ANXA7: variants seen among roughly 807,000 people sequenced by gnomAD.
ANXA7 encodes annexin A7.
A neutral mutation model predicts 64.9 loss-of-function variants in ANXA7; 55 were observed. The observed-to-expected ratio is 0.85, with a 90% CI of 0.68 to 1.06. The LOEUF (loss-of-function observed/expected upper bound fraction) is 1.06, where lower values mean the gene tolerates loss of function less well. Among genes scored for constraint, ANXA7 ranks in the 50% least tolerant of loss-of-function variants. The pLI is 0.00. For synonymous variants in ANXA7, 200 were observed against 192.4 expected (o/e 1.04, Z -0.33); for missense variants, 548 against 582.1 (o/e 0.94, Z 0.60).
At chr10:73,413,905 C>T (rs1375322507) in intron 1 of ANXA7, 107 bp downstream of exon 1, 1 of 153,158 alleles carries the variant, frequency 6.5e-6, no homozygotes, top group African/African-American at 2.4e-5. Flanking sequence ...CCACACTGCC[C>T]TCCAGCCGCG....
intron 3 of ANXA7, among the ~76,000 whole-genome samples, 159 bp from the exon 4 acceptor site, chr10:73,397,433 AAAAT>A (rs143799158): frequency 0.1 from 15,884 of 152,156 alleles, 1,188 homozygotes; most frequent in East Asian, 0.3. Context: ...TCTCCAGTAA[AAAAT>A]AAGTTTTTAA....
At chr10:73,387,848 T>A in intron 6 of ANXA7, 65 bp from the exon 7 acceptor site, 44 of 400,616 alleles carry the variant, frequency 1.1e-4, no homozygotes, top group Non-Finnish European at 1.5e-4. Context: ...GAGGTCATCT[T>A]TTTTTTTTTT....
At chr10:73,390,697 T>TATATATATATATATATATATAAAA (rs1477465723) in intron 5 of ANXA7, among the ~76,000 whole-genome samples, 1 of 131,308 alleles carries the variant, frequency 7.6e-6, no homozygotes, top group East Asian at 2.4e-4. Flanking sequence ...TTGTAAAATA[T>TATATATATATATATATATATAAAA]ATATATATAT....
intron 5 of ANXA7, among the ~76,000 whole-genome samples, chr10:73,390,693 A>AATATATATATATATAT (rs142703167): frequency 1.6e-5 from 2 of 127,462 alleles, no homozygotes; most frequent in Middle Eastern, 4.1e-3. Context: ...TCTTTTGTAA[A>AATATATATATATATAT]ATATATATAT....
In ANXA7 at chr10:73,400,877, T is replaced by C. The variant is rs374258550; in HGVS notation, c.-1-20A>G. 1 of 1,580,608 alleles carries C rather than the reference T, an allele frequency of 6.3e-7. No homozygotes were observed. The highest frequency in any genetic ancestry group is 8.6e-7 in the Non-Finnish European group (1 of 1,162,120). ...GACATTCTGTAACAACAATAAAAAA[T>C]GTCCTCTGTAAGTTTTTTGTTGTTT... On this transcript the variant is annotated intron_variant, in intron 1 of 12. Transcript: ENST00000372921.
intron 5 of ANXA7, among the ~76,000 whole-genome samples, chr10:73,392,327 G>A (rs535468663): frequency 1.2e-4 from 18 of 152,160 alleles, no homozygotes; most frequent in South Asian, 4.1e-4. Context: ...AGAAAGAGGC[G>A]GAATCCTCAG....
At chr10:73,403,501 A>G (rs1319111826) in intron 1 of ANXA7, among the ~76,000 whole-genome samples, 2 of 152,156 alleles carry the variant, frequency 1.3e-5, no homozygotes, top group Non-Finnish European at 2.9e-5. Context: ...AAAAAAAACA[A>G]AACAACAACA....
chr10:73,410,280 A>T (rs1277283596), intron 1 of ANXA7, among the ~76,000 whole-genome samples: 4 of 152,184 alleles, frequency 2.6e-5, no homozygotes, highest in African/African-American at 9.6e-5. Context: ...TAGTATCCAG[A>T]ATCTACAAGG....
intron 7 of ANXA7, among the ~76,000 whole-genome samples, chr10:73,385,932 G>A (rs903946274): frequency 6.6e-6 from 1 of 152,164 alleles, no homozygotes; most frequent in African/African-American, 2.4e-5. Flanking sequence ...TGGCAAAGCA[G>A]GTCAGGCGTG....
chr10:73,398,886 C>T (rs2055617856), intron 2 of ANXA7, among the ~76,000 whole-genome samples: 1 of 152,180 alleles, frequency 6.6e-6, no homozygotes, highest in East Asian at 1.9e-4. Context: ...CAGCAATATG[C>T]AGAGTGGCAG....
rs2055162417 is a variant in ANXA7 at position 73,375,976 on chromosome 10, G to T, written c.*119C>A. On this transcript the variant is annotated 3_prime_UTR_variant, in exon 13 of 13. Coordinates refer to ENST00000372921, the MANE Select transcript of ANXA7 (RefSeq NM_001156.5). The stretch of plus-strand genomic sequence containing the variant: ...AAACCAAGCACATTACCCTGATACG[G>T]TCCTTGACAGAAAGCTCTTTCGGTT... 2.4e-6 allele frequency: 2 copies of T among 823,466 alleles called. No individual in the cohort carries two copies. Among genetic ancestry groups the T allele is most frequent in the Non-Finnish European group, 3.6e-6 (2 of 560,922 alleles). The allele number at this position is 823,466 out of a possible 1,614,324, so 51.0% of individuals were successfully genotyped here. A position where few individuals can be genotyped will look rare whatever the true frequency, so the allele number is the denominator to read the frequency against.
chr10:73,383,634 C>G lies in ANXA7; in HGVS notation c.690G>C (p.Leu230=). ...ELSGNMEELI[L]ALFMPPTYYD... is the part of the protein sequence containing the mutation. ...AATACGTAGGAGGCATGAAGAGGGC[C>G]AGGATCAGTTCTTCCATATTTCCAC... The change falls in exon 8 of 13, where the codon CTG becomes CTC. Residue 230 remains leucine, a synonymous_variant. Transcript: ENST00000372921. The G allele has an allele frequency of 6.2e-7, 1 of 1,613,910 alleles. No individual in the cohort carries two copies. The highest frequency in any genetic ancestry group is 8.5e-7 in the Non-Finnish European group (1 of 1,179,916).
chr10:73,389,523 A>G (rs189363118), intron 5 of ANXA7, among the ~76,000 whole-genome samples: 5 of 152,374 alleles, frequency 3.3e-5, no homozygotes, highest in Admixed American at 6.5e-5. Flanking sequence ...AGTAAAGGGT[A>G]TATACAAATT....
intron 12 of ANXA7, among the ~76,000 whole-genome samples, chr10:73,377,981 T>A (rs964271661): frequency 6.6e-6 from 1 of 151,014 alleles, no homozygotes; most frequent in Non-Finnish European, 1.5e-5. Context: ...TTGCCCAGGC[T>A]GGTCTCAAAC....
At chr10:73,396,827 C>A (rs770709714) in intron 4 of ANXA7, among the ~76,000 whole-genome samples, 2 of 152,082 alleles carry the variant, frequency 1.3e-5, no homozygotes, top group Non-Finnish European at 2.9e-5. Flanking sequence ...ACACTTGAAT[C>A]AGATTAAATT....
chr10:73,408,228 G>A (rs1024424817), intron 1 of ANXA7: 1 of 152,092 alleles, frequency 6.6e-6, no homozygotes, highest in African/African-American at 2.4e-5. Context: ...GCTGAGGTGG[G>A]AGAATTGCTT....
chr10:73,391,958 C>T (rs1221532108), intron 5 of ANXA7, among the ~76,000 whole-genome samples: 1 of 151,612 alleles, frequency 6.6e-6, no homozygotes, highest in Non-Finnish European at 1.5e-5. Context: ...GCATATGAGA[C>T]TAATAAAAAA....
chr10:73,383,764 C>T (rs2055313695), intron 7 of ANXA7, 74 bp from the exon 8 acceptor site: 5 of 935,920 alleles, frequency 5.3e-6, no homozygotes, highest in Non-Finnish European at 8.3e-6. Flanking sequence ...AAGGAAAATA[C>T]AAAAAAAGAA....
intron 9 of ANXA7, chr10:73,381,632 A>G (rs1373570859): frequency 6.6e-6 from 1 of 152,258 alleles, no homozygotes; most frequent in Non-Finnish European, 1.5e-5. Flanking sequence ...ACACTTTCTC[A>G]GGAAGTTACT....
Sources: allele counts gnomAD v4.1 joint callset (sites outside exome capture counted in the v4.1 genomes callset), GRCh38; gene constraint gnomAD v4.1.1; transcripts MANE v1.5; gene names NCBI Gene and HGNC (gene_info 2026-07-23, HGNC 2026-07-21).